Variants in LRRTM4 observed in about 807,000 individuals in gnomAD.
The protein encoded by LRRTM4 is leucine rich repeat transmembrane neuronal 4.
A neutral mutation model predicts 47.6 loss-of-function variants in LRRTM4; 25 were observed. That is an observed-to-expected ratio of 0.53 (90% CI 0.38 to 0.73). LRRTM4 has a LOEUF of 0.73. LRRTM4 is among the 30% of genes least tolerant of loss of function. LRRTM4 has a pLI of 0.00. For synonymous variants in LRRTM4, 311 were observed against 269.5 expected, an observed-to-expected ratio of 1.15 and a Z score of -1.51; for missense variants, 638 against 713.4, an observed-to-expected ratio of 0.89 and a Z score of 1.20.
chr2:77,404,548 A>G (rs906552487), intron 3 of LRRTM4, among the ~76,000 whole-genome samples: 5 of 152,122 alleles, frequency 3.3e-5, no homozygotes, highest in African/African-American at 1.2e-4. Flanking sequence ...GTGGCAAAAG[A>G]GGCCCGTAGA....
At chr2:77,022,465 C>A (rs34577944) in intron 3 of LRRTM4, among the ~76,000 whole-genome samples, 1 of 152,024 alleles carries the variant, frequency 6.6e-6, no homozygotes, top group Non-Finnish European at 1.5e-5. Context: ...CCCAAAAGTC[C>A]ACAGTTGAAA....
At chr2:76,987,391 T>C (rs1676840481) in intron 3 of LRRTM4, 1 of 151,880 alleles carries the variant, frequency 6.6e-6, no homozygotes. Flanking sequence ...CTATATATTC[T>C]CTTGGTAATA....
chr2:76,950,002 A>G (rs1393951226), intron 3 of LRRTM4, among the ~76,000 whole-genome samples: 2 of 152,066 alleles, frequency 1.3e-5, no homozygotes, highest in East Asian at 1.9e-4. Context: ...AAGTAATAAG[A>G]CAACAGTAAG....
chr2:77,069,547 A>C (rs1392855338), intron 3 of LRRTM4, among the ~76,000 whole-genome samples: 1 of 151,864 alleles, frequency 6.6e-6, no homozygotes, highest in Non-Finnish European at 1.5e-5. Context: ...ATTTTGTAGA[A>C]CTAATTCAAT....
At chr2:77,074,054 CTT>C (rs145455562) in intron 3 of LRRTM4, among the ~76,000 whole-genome samples, 1,848 of 152,132 alleles carry the variant, frequency 0.012, 44 homozygotes, top group African/African-American at 0.042. Flanking sequence ...AAAGTTCACT[CTT>C]CTTATAAATT....
chr2:77,163,941 TCAAATTCA>T (rs1448828646), intron 3 of LRRTM4, among the ~76,000 whole-genome samples: 1 of 152,126 alleles, frequency 6.6e-6, no homozygotes, highest in African/African-American at 2.4e-5. Context: ...AATGATAGGA[TCAAATTCA>T]CACATAATAA....
chr2:76,948,945 G>A (rs1308106622), intron 3 of LRRTM4, among the ~76,000 whole-genome samples: 1 of 151,808 alleles, frequency 6.6e-6, no homozygotes, highest in African/African-American at 2.4e-5. Context: ...AAAGCTATAT[G>A]TGTGATTTGG....
At chr2:77,127,868 G>T (rs1031108470) in intron 3 of LRRTM4, among the ~76,000 whole-genome samples, 1 of 152,166 alleles carries the variant, frequency 6.6e-6, no homozygotes, top group African/African-American at 2.4e-5. Flanking sequence ...AAGCCGGCCA[G>T]GTGCAGTGGC....
chr2:76,983,492 G>T (rs769106949), intron 3 of LRRTM4, among the ~76,000 whole-genome samples: 8 of 151,934 alleles, frequency 5.3e-5, no homozygotes, highest in African/African-American at 1.7e-4. Context: ...GAGCTCTCTT[G>T]CCTGTCACCA....
chr2:76,921,023 A>G (rs1674417624), intron 3 of LRRTM4, among the ~76,000 whole-genome samples: 1 of 152,104 alleles, frequency 6.6e-6, no homozygotes, highest in African/African-American at 2.4e-5. Context: ...TGTCAAAACT[A>G]AAAAGTCAGC....
At chr2:77,315,174 G>C (rs113988198) in intron 3 of LRRTM4, among the ~76,000 whole-genome samples, 2 of 152,134 alleles carry the variant, frequency 1.3e-5, no homozygotes, top group African/African-American at 4.8e-5. Flanking sequence ...ATTATGCAAA[G>C]TTAAAGGTTT....
intron 3 of LRRTM4, among the ~76,000 whole-genome samples, chr2:77,220,395 A>G (rs1042131515): frequency 6.6e-6 from 1 of 152,202 alleles, no homozygotes; most frequent in African/African-American, 2.4e-5. Flanking sequence ...GCTTCCGAAG[A>G]TCAAACTACT....
chr2:76,814,514 A>AAATT (rs559962565), intron 3 of LRRTM4, among the ~76,000 whole-genome samples: 5 of 152,280 alleles, frequency 3.3e-5, no homozygotes, highest in African/African-American at 1.2e-4. Context: ...TTAAAAAAAT[A>AAATT]AATTAATTAA....
chr2:76,924,672 C>G (rs1356284374), intron 3 of LRRTM4, among the ~76,000 whole-genome samples: 1 of 151,778 alleles, frequency 6.6e-6, no homozygotes, highest in Non-Finnish European at 1.5e-5. Flanking sequence ...TTTGCATTGG[C>G]TTATGCATGA....
At chr2:77,309,853 G>A (rs1054384482) in intron 3 of LRRTM4, among the ~76,000 whole-genome samples, 2 of 152,108 alleles carry the variant, frequency 1.3e-5, no homozygotes, top group African/African-American at 2.4e-5. Flanking sequence ...GGCCAACTTG[G>A]GTAATCATGA....
intron 3 of LRRTM4, among the ~76,000 whole-genome samples, chr2:77,163,663 T>A (rs912875581): frequency 6.6e-6 from 1 of 152,138 alleles, no homozygotes; most frequent in African/African-American, 2.4e-5. Context: ...TTCAACATTC[T>A]TAAAGAAAAG....
At chr2:77,063,005 A>G (rs560369210) in intron 3 of LRRTM4, among the ~76,000 whole-genome samples, 2 of 143,380 alleles carry the variant, frequency 1.4e-5, no homozygotes, top group East Asian at 4.1e-4. Context: ...CCCAGGCTGG[A>G]GTGCAGTGGC....
intron 3 of LRRTM4, among the ~76,000 whole-genome samples, chr2:77,122,845 A>G (rs1364380188): frequency 6.6e-6 from 1 of 151,902 alleles, no homozygotes; most frequent in East Asian, 1.9e-4. Flanking sequence ...AGAAATAATG[A>G]AGCTTGAAAA....
At chr2:77,049,210 CTT>C (rs1679345273) in intron 3 of LRRTM4, among the ~76,000 whole-genome samples, 1 of 141,534 alleles carries the variant, frequency 7.1e-6, no homozygotes, top group Non-Finnish European at 1.5e-5. Context: ...TGATAGGCAA[CTT>C]AGGTTCATTC....
Sources: allele counts gnomAD v4.1 joint callset (sites outside exome capture counted in the v4.1 genomes callset), GRCh38; gene constraint gnomAD v4.1.1; transcripts MANE v1.5; gene names NCBI Gene and HGNC (gene_info 2026-07-23, HGNC 2026-07-21).